FREM1: variants seen among roughly 807,000 people sequenced by gnomAD.
FREM1 encodes the protein FRAS1-related extracellular matrix protein 1.
Under a neutral mutation model 210.1 loss-of-function variants are expected in FREM1, and 220 were observed. The ratio of observed to expected loss-of-function variants is 1.05; its 90% CI spans 0.94 to 1.17. FREM1 has a LOEUF of 1.17. Ranked by LOEUF, FREM1 falls within the 50% of genes most tolerant of loss-of-function variation. The pLI is 0.00. For missense variants in FREM1, 3,454 were observed against 2,675.5 expected (o/e 1.29, Z -6.42); for synonymous variants, 1,189 against 980.2 (o/e 1.21, Z -3.98).
intron 2 of FREM1, among the ~76,000 whole-genome samples, chr9:14,866,576 A>T (rs1479994925): frequency 6.6e-6 from 1 of 152,198 alleles, no homozygotes; most frequent in Non-Finnish European, 1.5e-5. Context: ...TGCATGCTTG[A>T]GGTCCAAACT....
At chr9:14,848,576 G>T in intron 7 of FREM1, 89 bp downstream of exon 7, 1 of 636,800 alleles carries the variant, frequency 1.6e-6, no homozygotes. Context: ...GTATGACATA[G>T]GAATAAAACT....
In FREM1 at chr9:14,841,469, G is replaced by A. The variant is rs1236320546; in HGVS notation, c.1859C>T (p.Pro620Leu). Residue 620 changes from proline to leucine, a missense_variant, in exon 10 of 37, where the codon CCT becomes CTT. Transcript: ENST00000380880. ...TACCTGTGGCACTGAAAGATTTGGAGGTTCATGGCTGTCCCACAGGACAAA... is the reference window on the plus strand; with the variant it reads ...TACCTGTGGCACTGAAAGATTTGGAAGTTCATGGCTGTCCCACAGGACAAA... ...FQFVLWDSHE[P>L]PNLSVPQVAT... 5 of 1,607,300 alleles carry A rather than the reference G, an allele frequency of 3.1e-6. No homozygotes were observed. The South Asian group carries it at 4.4e-5, about 14-fold the overall frequency.
At chr9:14,746,573 GT>G in intron 34 of FREM1, 105 bp from the exon 35 acceptor site, 1 of 871,770 alleles carries the variant, frequency 1.1e-6, no homozygotes, top group Non-Finnish European at 1.9e-6. Context: ...AAGTAGTTTG[GT>G]TACCACAAAG....
rs1393840767 is a variant in FREM1, at chr9:14,748,526, G to A, written c.5671C>T (p.His1891Tyr). The A allele has an allele frequency of 6.2e-7, 1 of 1,613,706 alleles. No individual in the cohort carries two copies. The highest frequency in any genetic ancestry group is 8.5e-7 in the Non-Finnish European group (1 of 1,179,770). The change falls in exon 31 of 37, where the codon CAT becomes TAT. Residue 1891 changes from histidine (H) to tyrosine (Y), a missense_variant. Physicochemically the swap from His to Tyr is moderately conservative, Grantham distance 83. Coordinates refer to ENST00000380880, the MANE Select transcript of FREM1 (RefSeq NM_001379081.2). ...GATGGAAGAGGTCTTCTTTCCAGAT[G>A]AAAGGAACCAGAAGTGGTGGATGAG... ...SSSSTTSGSFHLERRPLPSSM... is the reference protein window; with the variant it reads ...SSSSTTSGSFYLERRPLPSSM...
chr9:14,858,277 AC>A (rs1315747031), intron 4 of FREM1, among the ~76,000 whole-genome samples: 1 of 152,154 alleles, frequency 6.6e-6, no homozygotes, highest in African/African-American at 2.4e-5. Context: ...CTCACTGAAA[AC>A]CATAATTGTC....
At position 14,770,713 on chromosome 9, in the gene FREM1, T is replaced by C; in HGVS notation, c.4951A>G (p.Ile1651Val). The C allele has an allele frequency of 1.2e-6, 2 of 1,613,278 alleles. No homozygotes were observed. The highest frequency in any genetic ancestry group is 1.7e-5 in the Admixed American group (1 of 59,986). The change falls in exon 26 of 37, where the codon ATC becomes GTC. Residue 1651 changes from isoleucine to valine, a missense_variant. Coordinates refer to ENST00000380880, the MANE Select transcript of FREM1 (RefSeq NM_001379081.2). ...LLKNGCYGIY[I>V]TSRVLKASDP... ...GATGCCTTCAACACGCGGGAAGTGA[T>C]GTAAATCCCGTAGCAGCCATTTTTC...
At chr9:14,741,977 G>C (rs949041309) in intron 35 of FREM1, among the ~76,000 whole-genome samples, 2 of 152,196 alleles carry the variant, frequency 1.3e-5, no homozygotes, top group Non-Finnish European at 2.9e-5. Context: ...AAAAGAGTGA[G>C]ATGGGAAGAT....
Position 14,904,705 on chromosome 9 carries a change from T to C in FREM1, c.-268+5209A>G, listed in dbSNP as rs1261387434. On this transcript the variant is annotated intron_variant, in intron 1 of 36. Coordinates refer to ENST00000380880, the MANE Select transcript of FREM1 (RefSeq NM_001379081.2). ...GAGGTACAGACACAGAACAGGGTTG[T>C]TTGTTTCAGAGAGGGAGTGTGGATT... Among the ~76,000 whole-genome samples the C allele has an allele frequency of 2.0e-5, 3 of 152,272 alleles. 1 individual carries two copies. The highest frequency in any genetic ancestry group is 2.4e-5 in the African/African-American group (1 of 41,562).
chr9:14,766,184 T>G lies in FREM1; in HGVS notation c.5204+3540A>C, dbSNP rs560421332. Among the ~76,000 whole-genome samples the G allele has an allele frequency of 8.1e-4, 123 of 152,338 alleles. 1 individual carries two copies. The highest frequency in any genetic ancestry group is 2.9e-3 in the African/African-American group (120 of 41,582). On this transcript the variant is annotated intron_variant, in intron 27 of 36. Coordinates refer to ENST00000380880, the MANE Select transcript of FREM1 (RefSeq NM_001379081.2). ...TCCTTATCCTCAGAGGATTGTGTTT[T>G]GCAGATAAAATTAGACAACTCATGA...
chr9:14,900,121 T>C (rs1588663841), intron 1 of FREM1, among the ~76,000 whole-genome samples: 1 of 152,178 alleles, frequency 6.6e-6, no homozygotes, highest in Non-Finnish European at 1.5e-5. Context: ...TATGAGGGAT[T>C]ACTGGGTCTG....
chr9:14,812,771 G>C, intron 16 of FREM1, 41 bp downstream of exon 16: 1 of 1,564,750 alleles, frequency 6.4e-7, no homozygotes, highest in Non-Finnish European at 8.7e-7. Flanking sequence ...AGACTCTCAT[G>C]TTGCTTGCAT....
chr9:14,874,579 T>G (rs1210209038), intron 1 of FREM1, among the ~76,000 whole-genome samples: 1 of 151,150 alleles, frequency 6.6e-6, no homozygotes, highest in African/African-American at 2.5e-5. Flanking sequence ...ATGAGATGGG[T>G]TTCCTGAATA....
At chr9:14,835,470 C>G (rs1043001713) in intron 10 of FREM1, among the ~76,000 whole-genome samples, 6 of 152,216 alleles carry the variant, frequency 3.9e-5, no homozygotes, top group Non-Finnish European at 8.8e-5. Flanking sequence ...TTTAAGGAAT[C>G]AAGCTCGACA....
In FREM1 at chr9:14,841,360, C is replaced by G. The variant is rs577458307; in HGVS notation, c.1881+87G>C. The stretch of plus-strand genomic sequence containing the variant: ...TTTTTCAAATTTTAAACCTTGAAAC[C>G]TATTTTCATGTGGTTTCTAACCACA... On this transcript the variant is annotated intron_variant, in intron 10 of 36. Transcript: ENST00000380880. The G allele has an allele frequency of 2.4e-5, 27 of 1,121,956 alleles. No individual in the cohort carries two copies. The African/African-American group carries it at 4.1e-4, about 17-fold the overall frequency. The allele number at this position is 1,121,956 out of a possible 1,614,324, so 69.5% of individuals were successfully genotyped here.
At chr9:14,876,127 T>C (rs897969184) in intron 1 of FREM1, among the ~76,000 whole-genome samples, 3 of 152,070 alleles carry the variant, frequency 2.0e-5, no homozygotes, top group Admixed American at 6.5e-5. Flanking sequence ...GGGTCAGGGG[T>C]CAGGGACCCA....
intron 16 of FREM1, among the ~76,000 whole-genome samples, chr9:14,809,893 TG>T (rs1819085350): frequency 6.6e-6 from 1 of 152,112 alleles, no homozygotes; most frequent in Admixed American, 6.6e-5. Context: ...TATGTATGTA[TG>T]TATGTATGTA....
chr9:14,876,771 C>T (rs982143656), intron 1 of FREM1, among the ~76,000 whole-genome samples: 3 of 152,192 alleles, frequency 2.0e-5, no homozygotes, highest in Admixed American at 1.3e-4. Context: ...TCTTCTGCAT[C>T]GCTCACGCTA....
Position 14,793,562 on chromosome 9 carries a change from T to C in FREM1, c.3840-678A>G, listed in dbSNP as rs563700418. 3.9e-5 allele frequency among the ~76,000 whole-genome samples: 6 copies of C among 152,322 alleles called. No homozygotes were observed. The South Asian group carries it at 1.2e-3, about 32-fold the overall frequency. ...TTTCTATAGCTCCTTTACTGTGCGG[T>C]GCTGCTGCCTTCACAGCCTATATGG... On this transcript the variant is annotated intron_variant, in intron 21 of 36. Transcript: ENST00000380880.
At position 14,876,802 on chromosome 9, in the gene FREM1, T is replaced by C. The variant is rs78071571; in HGVS notation, c.-267-7558A>G. 8.1e-3 allele frequency among the ~76,000 whole-genome samples: 1,241 copies of C among 152,294 alleles called. 15 individuals carry two copies. Among genetic ancestry groups the C allele is most frequent in the African/African-American group, 0.029 (1,199 of 41,556 alleles). The stretch of plus-strand genomic sequence containing the variant: ...CGCTAGGAGCTATAGACTGGAGCTG[T>C]TCCTATTCAGCCATCTTGGCTGCCT... On this transcript the variant is annotated intron_variant, in intron 1 of 36. Transcript: ENST00000380880.
Sources: allele counts gnomAD v4.1 joint callset (sites outside exome capture counted in the v4.1 genomes callset), GRCh38; gene constraint gnomAD v4.1.1; transcripts MANE v1.5; gene names NCBI Gene and HGNC (gene_info 2026-07-23, HGNC 2026-07-21).